The following PRKCH variants were observed in gnomAD, a reference collection of about 807,000 sequenced individuals.
PRKCH encodes the protein protein kinase C eta.
Under a neutral mutation model 82.5 loss-of-function variants are expected in PRKCH, and 28 were observed. The ratio of observed to expected loss-of-function variants is 0.34; its 90% CI spans 0.25 to 0.47. The LOEUF is 0.47. Among genes scored for constraint, PRKCH ranks in the 20% least tolerant of loss-of-function variants. The pLI, the probability that PRKCH is intolerant of heterozygous loss-of-function variation, is 1.00. For synonymous variants in PRKCH, 322 were observed against 327.4 expected (o/e 0.98, Z 0.18); for missense variants, 705 against 881.8 (o/e 0.80, Z 2.54).
rs1205323199 is a variant in PRKCH at position 61,549,671 on chromosome 14, T to C, written c.1906-14T>C. On this transcript the variant is annotated splice_polypyrimidine_tract_variant and intron_variant, in intron 13 of 13. Coordinates refer to ENST00000332981, the MANE Select transcript of PRKCH (RefSeq NM_006255.5). ...GCAAAAATCTCACCCTTGTTTCCCT[T>C]TTTTTTTTGGCAGAAATCCCGAGAA... 1.3e-6 allele frequency: 2 copies of C among 1,591,480 alleles called. No homozygotes were observed. The highest frequency in any genetic ancestry group is 8.6e-7 in the Non-Finnish European group (1 of 1,166,954).
At chr14:61,198,292 T>C (rs1268092099) in intron 1 of PRKCH, among the ~76,000 whole-genome samples, 1 of 152,194 alleles carries the variant, frequency 6.6e-6, no homozygotes, top group East Asian at 1.9e-4. Context: ...TTCTTCAAAC[T>C]CATTCACCCA....
intron 1 of PRKCH, among the ~76,000 whole-genome samples, chr14:61,227,462 C>T (rs191029439): frequency 2.6e-5 from 4 of 152,148 alleles, no homozygotes; most frequent in Admixed American, 2.6e-4. Flanking sequence ...GGCGTGGTGG[C>T]GAGCGCCCGT....
At chr14:61,417,983 A>C (rs1235004343) in intron 2 of PRKCH, among the ~76,000 whole-genome samples, 1 of 152,156 alleles carries the variant, frequency 6.6e-6, no homozygotes, top group Non-Finnish European at 1.5e-5. Flanking sequence ...GAAAAGGGAG[A>C]GTGTGTCTTT....
intron 10 of PRKCH, among the ~76,000 whole-genome samples, chr14:61,499,151 G>A (rs896883551): frequency 1.3e-5 from 2 of 152,118 alleles, no homozygotes; most frequent in African/African-American, 4.8e-5. Context: ...CAGTACTTAA[G>A]CCTGGCAGGA....
chr14:61,286,183 C>G (rs1033026589), intron 1 of PRKCH, among the ~76,000 whole-genome samples: 1 of 152,116 alleles, frequency 6.6e-6, no homozygotes, highest in Non-Finnish European at 1.5e-5. Context: ...AAGATTGTTG[C>G]CTATTACTCT....
At chr14:61,352,701 A>AG (rs2046097194) in intron 1 of PRKCH, among the ~76,000 whole-genome samples, 2 of 134,506 alleles carry the variant, frequency 1.5e-5, no homozygotes, top group African/African-American at 2.8e-5. Flanking sequence ...AAAGAAAGAA[A>AG]GAAAGAAAGA....
chr14:61,305,389 C>T (rs2045479515), intron 1 of PRKCH: 1 of 151,478 alleles, frequency 6.6e-6, no homozygotes, highest in Non-Finnish European at 1.5e-5. Context: ...CACTGTGTTG[C>T]TCAGGCTGGT....
chr14:61,355,577 T>C (rs78198957), intron 1 of PRKCH, among the ~76,000 whole-genome samples: 6,740 of 152,286 alleles, frequency 0.044, 419 homozygotes, highest in African/African-American at 0.14. Flanking sequence ...TTAAGTAATT[T>C]GACCAAAATT....
In PRKCH at chr14:61,235,616, A is replaced by G. The variant is rs1411746646; in HGVS notation, c.-19+47948A>G. On this transcript the variant is annotated intron_variant, in intron 1 of 3. Transcript: ENST00000555185. ...CATTTCCCAGTCAGATACAATGGCC[A>G]TCTCCAAAATACAATCAGGCAAAAG... is the stretch of plus-strand genomic sequence containing the variant. Among the ~76,000 whole-genome samples the G allele has an allele frequency of 3.3e-5, 5 of 152,358 alleles. No individual in the cohort carries two copies. In the East Asian group the frequency reaches 9.6e-4, roughly 29 times the overall value.
intron 1 of PRKCH, among the ~76,000 whole-genome samples, chr14:61,372,007 GT>G (rs1301164109): frequency 1.3e-5 from 2 of 151,986 alleles, no homozygotes; most frequent in Admixed American, 6.5e-5. Flanking sequence ...TTCAGATTTG[GT>G]TTTTGGGAGC....
intron 2 of PRKCH, among the ~76,000 whole-genome samples, chr14:61,422,790 C>A (rs1318088408): frequency 6.6e-6 from 1 of 152,102 alleles, no homozygotes; most frequent in Non-Finnish European, 1.5e-5. Flanking sequence ...TCTAGGCATC[C>A]CCATTTTTTT....
intron 10 of PRKCH, among the ~76,000 whole-genome samples, chr14:61,518,619 A>G (rs1010598628): frequency 6.6e-6 from 1 of 151,990 alleles, no homozygotes; most frequent in Non-Finnish European, 1.5e-5. Context: ...ATTTTTTTCT[A>G]CCGTGAGACA....
At chr14:61,219,954 C>A (rs551024983) in intron 1 of PRKCH, among the ~76,000 whole-genome samples, 60 of 152,268 alleles carry the variant, frequency 3.9e-4, no homozygotes, top group African/African-American at 1.4e-3. Context: ...AGAGAACCTG[C>A]AACCTGACTA....
chr14:61,375,168 T>G (rs1232877436), intron 1 of PRKCH, among the ~76,000 whole-genome samples: 2 of 152,076 alleles, frequency 1.3e-5, no homozygotes, highest in Non-Finnish European at 2.9e-5. Context: ...GCCACCAGTC[T>G]CTTTGCTAAA....
chr14:61,210,145 T>C lies in PRKCH; in HGVS notation c.-19+22477T>C, dbSNP rs1225809460. On this transcript the variant is annotated intron_variant, in intron 1 of 3. Coordinates refer to the PRKCH transcript ENST00000555185. ...ATATATATATATATATATATATATA[T>C]ATATATATATATATATAAATTAGCT... is the stretch of plus-strand genomic sequence containing the variant. 1.3e-4 allele frequency among the ~76,000 whole-genome samples: 9 copies of C among 69,430 alleles called. 1 individual carries two copies. The highest frequency in any genetic ancestry group is 4.5e-4 in the African/African-American group (8 of 17,908). The allele number at this position is 69,430 out of a possible 152,430, so 45.5% of individuals were successfully genotyped here.
At chr14:61,363,030 G>A (rs375157480) in intron 1 of PRKCH, among the ~76,000 whole-genome samples, 1 of 152,226 alleles carries the variant, frequency 6.6e-6, no homozygotes, top group Non-Finnish European at 1.5e-5. Flanking sequence ...GATGATGAAC[G>A]GGTGAGAGAG....
chr14:61,246,054 T>A (rs926897112), intron 1 of PRKCH, among the ~76,000 whole-genome samples: 1 of 152,146 alleles, frequency 6.6e-6, no homozygotes. Context: ...AAAGTGCTGC[T>A]ATTCATTGGA....
At chr14:61,329,593 C>T (rs1439506466) in intron 1 of PRKCH, among the ~76,000 whole-genome samples, 3 of 152,168 alleles carry the variant, frequency 2.0e-5, no homozygotes, top group African/African-American at 7.2e-5. Context: ...CCCTGTGTTC[C>T]TCTTGAGCCT....
intron 10 of PRKCH, among the ~76,000 whole-genome samples, chr14:61,526,312 T>C (rs2140000823): frequency 6.6e-6 from 1 of 152,222 alleles, no homozygotes; most frequent in East Asian, 1.9e-4. Flanking sequence ...CTTGCTTCGC[T>C]GAAGTGGGTG....
Sources: allele counts gnomAD v4.1 joint callset (sites outside exome capture counted in the v4.1 genomes callset), GRCh38; gene constraint gnomAD v4.1.1; transcripts MANE v1.5; gene names NCBI Gene and HGNC (gene_info 2026-07-23, HGNC 2026-07-21).